KHDRBS3: variants seen among roughly 807,000 people sequenced by gnomAD.
KHDRBS3 encodes the protein KH domain-containing, RNA-binding, signal transduction-associated protein 3.
KHDRBS3 carries 23 observed loss-of-function variants against 45.6 expected under a neutral mutation model. The observed-to-expected ratio is 0.50, with a 90% CI of 0.36 to 0.72. The LOEUF (loss-of-function observed/expected upper bound fraction) is 0.72. Among genes scored for constraint, KHDRBS3 ranks in the 30% least tolerant of loss-of-function variants. KHDRBS3 has a pLI of 0.00. For synonymous variants in KHDRBS3, 162 were observed against 156.5 expected (o/e 1.04, Z -0.26); for missense variants, 352 against 424.8 (o/e 0.83, Z 1.51).
intron 1 of KHDRBS3, among the ~76,000 whole-genome samples, chr8:135,514,570 G>T (rs1175017731): frequency 6.6e-6 from 1 of 152,184 alleles, no homozygotes; most frequent in South Asian, 2.1e-4. Context: ...AAGGGAAAAT[G>T]GGGAGTAGTT....
chr8:135,460,262 A>T (rs555952145), intron 1 of KHDRBS3, among the ~76,000 whole-genome samples: 2 of 152,390 alleles, frequency 1.3e-5, no homozygotes, highest in Non-Finnish European at 1.5e-5. Context: ...ACTAAATTGT[A>T]GAATGGGCCA....
At chr8:135,472,691 C>T (rs1427863248) in intron 1 of KHDRBS3, among the ~76,000 whole-genome samples, 3 of 152,114 alleles carry the variant, frequency 2.0e-5, no homozygotes, top group Non-Finnish European at 2.9e-5. Flanking sequence ...AGGAGAATGG[C>T]GTGCTCAGCT....
At chr8:135,472,959 T>A (rs994682668) in intron 1 of KHDRBS3, among the ~76,000 whole-genome samples, 1 of 152,194 alleles carries the variant, frequency 6.6e-6, no homozygotes, top group Admixed American at 6.5e-5. Flanking sequence ...GTTCTTCCTT[T>A]CCTTGCTTAC....
At chr8:135,571,759 A>G (rs2130886838) in intron 5 of KHDRBS3, among the ~76,000 whole-genome samples, 1 of 152,270 alleles carries the variant, frequency 6.6e-6, no homozygotes, top group South Asian at 2.1e-4. Flanking sequence ...GAACTCTGGC[A>G]CTGGGGAAGC....
Position 135,481,223 on chromosome 8 carries a change from G to GATATATATATAT in KHDRBS3, c.88+23286_88+23297dup, listed in dbSNP as rs10529846. Reference sequence around the variant, plus strand: ...TTCTTGTCTGATTCATGAAAGCCACGATATATATATATATATATATATATA... The same window carrying GATATATATATAT: ...TTCTTGTCTGATTCATGAAAGCCACGATATATATATATATATATATATATATATATATATATA... On this transcript the variant is annotated intron_variant, in intron 1 of 8. Coordinates refer to ENST00000355849, the MANE Select transcript of KHDRBS3 (RefSeq NM_006558.3). Among the ~76,000 whole-genome samples the GATATATATATAT allele has an allele frequency of 4.9e-3, 377 of 77,260 alleles. 2 individuals carry two copies. The highest frequency in any genetic ancestry group is 0.013 in the South Asian group (26 of 2,046). The allele number at this position is 77,260 out of a possible 152,430, so 50.7% of individuals were successfully genotyped here.
At chr8:135,470,907 C>T (rs531213264) in intron 1 of KHDRBS3, among the ~76,000 whole-genome samples, 1 of 152,130 alleles carries the variant, frequency 6.6e-6, no homozygotes, top group East Asian at 1.9e-4. Flanking sequence ...CTTAAATGGG[C>T]GAAGGATGTG....
intron 1 of KHDRBS3, among the ~76,000 whole-genome samples, chr8:135,484,677 A>C (rs1476169019): frequency 6.6e-6 from 1 of 152,216 alleles, no homozygotes; most frequent in East Asian, 1.9e-4. Context: ...CCCTTTCATG[A>C]ATATTCACAG....
intron 1 of KHDRBS3, among the ~76,000 whole-genome samples, chr8:135,501,613 G>T (rs537872745): frequency 6.6e-6 from 1 of 152,096 alleles, no homozygotes; most frequent in East Asian, 1.9e-4. Context: ...TTTACCTATT[G>T]TTTAGTAAGA....
At chr8:135,602,577 T>G (rs1015431070) in intron 6 of KHDRBS3, among the ~76,000 whole-genome samples, 10 of 57,354 alleles carry the variant, frequency 1.7e-4, no homozygotes, top group Admixed American at 9.6e-4. Flanking sequence ...AATATTTTAG[T>G]TTTTTTTTTA....
chr8:135,638,831 G>A (rs1349764724), intron 7 of KHDRBS3, among the ~76,000 whole-genome samples: 2 of 149,900 alleles, frequency 1.3e-5, no homozygotes, highest in Non-Finnish European at 3.0e-5. Context: ...CGCGCCTATA[G>A]TCCCAGCTAC....
At chr8:135,546,220 A>G (rs1271362692) in intron 3 of KHDRBS3, among the ~76,000 whole-genome samples, 1 of 152,008 alleles carries the variant, frequency 6.6e-6, no homozygotes, top group African/African-American at 2.4e-5. Context: ...CACTGCCTGA[A>G]TTCTTGAATA....
intron 1 of KHDRBS3, among the ~76,000 whole-genome samples, chr8:135,510,574 A>G (rs542480350): frequency 2.6e-5 from 4 of 152,276 alleles, no homozygotes; most frequent in South Asian, 2.1e-4. Context: ...AGCTGGGACT[A>G]TAGGCACACG....
chr8:135,586,051 A>G (rs1828455829), intron 6 of KHDRBS3, among the ~76,000 whole-genome samples: 1 of 152,216 alleles, frequency 6.6e-6, no homozygotes, highest in African/African-American at 2.4e-5. Flanking sequence ...AAGGAAACAG[A>G]AAAACCTACT....
At chr8:135,645,295 A>G (rs1831238389) in intron 8 of KHDRBS3, among the ~76,000 whole-genome samples, 178 bp downstream of exon 8, 1 of 152,212 alleles carries the variant, frequency 6.6e-6, no homozygotes, top group South Asian at 2.1e-4. Flanking sequence ...ATATTTGAAG[A>G]GGACTAAAGA....
chr8:135,568,646 A>G (rs554434210), intron 5 of KHDRBS3, among the ~76,000 whole-genome samples: 15 of 152,344 alleles, frequency 9.8e-5, no homozygotes, highest in Admixed American at 9.1e-4. Context: ...AAGTAAACAA[A>G]TATACGTAGC....
intron 1 of KHDRBS3, among the ~76,000 whole-genome samples, chr8:135,484,172 TA>T (rs1208143497): frequency 1.1e-4 from 17 of 152,026 alleles, no homozygotes; most frequent in Admixed American, 6.5e-5. Flanking sequence ...CATTGAGAAA[TA>T]AAAATAAAAT....
In KHDRBS3 at chr8:135,632,348, C is replaced by A. The variant is rs1206972320; in HGVS notation, c.891-12711C>A. ...CTGGCTGGGTGTTCTCCATCTCTTGCTAGACCCTCCTCTTCTTGCCCTCTG... is the reference window on the plus strand; with the variant it reads ...CTGGCTGGGTGTTCTCCATCTCTTGATAGACCCTCCTCTTCTTGCCCTCTG... On this transcript the variant is annotated intron_variant, in intron 7 of 8. Coordinates refer to ENST00000355849, the MANE Select transcript of KHDRBS3 (RefSeq NM_006558.3). Among the ~76,000 whole-genome samples the A allele has an allele frequency of 2.6e-5, 4 of 152,058 alleles. No individual in the cohort carries two copies. In the East Asian group the frequency reaches 7.8e-4, roughly 29 times the overall value.
Position 135,557,547 on chromosome 8 carries a change from A to G in KHDRBS3, c.571A>G (p.Thr191Ala), listed in dbSNP as rs1563766723. Reference sequence around the variant, plus strand: ...TGTTCCAGTGGTTCGAGGGAAACCCACCTTGCGTACAAGAGGTGTACCAGC... The same window carrying G: ...TGTTCCAGTGGTTCGAGGGAAACCCGCCTTGCGTACAAGAGGTGTACCAGC... ...ADVPVVRGKP[T>A]LRTRGVPAPA... is the part of the protein sequence containing the mutation. Residue 191 changes from threonine to alanine, a missense_variant, in exon 5 of 9, where the codon ACC (threonine) becomes GCC (alanine). Thr to Ala is a moderately conservative substitution (Grantham distance 58). Coordinates refer to ENST00000355849, the MANE Select transcript of KHDRBS3 (RefSeq NM_006558.3). 1 of 1,613,372 alleles carries G rather than the reference A, an allele frequency of 6.2e-7. No homozygotes were observed. Among genetic ancestry groups the G allele is most frequent in the Middle Eastern group, 1.7e-4 (1 of 6,060 alleles).
chr8:135,492,264 C>T (rs1266579904), intron 1 of KHDRBS3, among the ~76,000 whole-genome samples: 1 of 151,920 alleles, frequency 6.6e-6, no homozygotes, highest in Non-Finnish European at 1.5e-5. Flanking sequence ...TAGTACTTAG[C>T]TTTGCTTTGT....
Sources: gnomAD v4.1 joint callset for allele counts (sites outside exome capture counted in the v4.1 genomes callset) on GRCh38, gnomAD v4.1.1 for gene constraint, MANE v1.5 for transcripts, NCBI Gene and HGNC (gene_info 2026-07-23, HGNC 2026-07-21) for gene names.